Variants in DPP10 observed in about 807,000 individuals in gnomAD.
The protein encoded by DPP10 is dipeptidyl peptidase like 10, also known as inactive dipeptidyl peptidase 10.
DPP10 carries 33 observed loss-of-function variants against 120.9 expected under a neutral mutation model. That is an observed-to-expected ratio of 0.27 (90% CI 0.21 to 0.37). The LOEUF is 0.37. Ranked by LOEUF, DPP10 falls within the 10% of genes least tolerant of loss-of-function variation. DPP10 has a pLI of 1.00. For missense variants in DPP10, 816 were observed against 942.8 expected, an observed-to-expected ratio of 0.87 and a Z score of 1.76; for synonymous variants, 337 against 326.1, an observed-to-expected ratio of 1.03 and a Z score of -0.36.
intron 1 of DPP10, among the ~76,000 whole-genome samples, chr2:114,851,692 G>A (rs1391966971): frequency 6.6e-6 from 1 of 152,040 alleles, no homozygotes; most frequent in Non-Finnish European, 1.5e-5. Context: ...TTTATCTATT[G>A]CTTCAACCAA....
At chr2:115,302,635 TAAAAC>T in intron 1 of DPP10, among the ~76,000 whole-genome samples, 1 of 151,760 alleles carries the variant, frequency 6.6e-6, no homozygotes, top group South Asian at 2.1e-4. Context: ...ACAAAATAAA[TAAAAC>T]AAACAAAAAA....
intron 17 of DPP10, among the ~76,000 whole-genome samples, chr2:115,787,762 G>A (rs767476336): frequency 3.7e-4 from 56 of 152,040 alleles, no homozygotes; most frequent in Non-Finnish European, 6.5e-4. Context: ...CCACACTAGC[G>A]CACATCATTA....
intron 1 of DPP10, among the ~76,000 whole-genome samples, chr2:115,096,365 A>G (rs1039330892): frequency 2.0e-5 from 3 of 152,188 alleles, no homozygotes; most frequent in Non-Finnish European, 4.4e-5. Context: ...CATTAAATAT[A>G]TGCGTTGATA....
chr2:115,469,122 A>G (rs1412176598), intron 3 of DPP10, among the ~76,000 whole-genome samples: 11 of 151,866 alleles, frequency 7.2e-5, no homozygotes, highest in Admixed American at 7.2e-4. Flanking sequence ...AGATGGGGTT[A>G]CACCATGTTG....
At chr2:115,054,330 T>C (rs1705727304) in intron 1 of DPP10, among the ~76,000 whole-genome samples, 1 of 152,188 alleles carries the variant, frequency 6.6e-6, no homozygotes, top group Non-Finnish European at 1.5e-5. Context: ...TAGTTGACAT[T>C]AATGAACTTC....
chr2:115,521,752 A>G (rs553790454), intron 4 of DPP10, among the ~76,000 whole-genome samples: 1 of 152,112 alleles, frequency 6.6e-6, no homozygotes, highest in African/African-American at 2.4e-5. Flanking sequence ...GATGTCATCA[A>G]ATCTAACTAG....
At chr2:115,271,214 A>T (rs2105812042) in intron 1 of DPP10, among the ~76,000 whole-genome samples, 1 of 152,376 alleles carries the variant, frequency 6.6e-6, no homozygotes, top group East Asian at 1.9e-4. Context: ...TGATGTGGAC[A>T]ACATTAAAAT....
chr2:114,784,693 A>G (rs1214903464), intron 1 of DPP10, among the ~76,000 whole-genome samples: 1 of 152,100 alleles, frequency 6.6e-6, no homozygotes. Context: ...CACCTATCAC[A>G]GTTTCCTGGT....
chr2:115,499,274 A>G (rs1256270812), intron 3 of DPP10, among the ~76,000 whole-genome samples: 2 of 152,072 alleles, frequency 1.3e-5, no homozygotes, highest in Non-Finnish European at 2.9e-5. Flanking sequence ...TTGTTAAACC[A>G]TGAACCTGAG....
chr2:114,890,240 G>A (rs1056703339), intron 1 of DPP10, among the ~76,000 whole-genome samples: 10 of 152,168 alleles, frequency 6.6e-5, no homozygotes, highest in South Asian at 2.1e-4. Flanking sequence ...GCAGGAGCAC[G>A]TTTTCTAAAT....
intron 3 of DPP10, chr2:115,469,049 C>CCGGATTCAAG: frequency 2.1e-5 from 4 of 187,162 alleles, no homozygotes; most frequent in Non-Finnish European, 4.4e-5. Context: ...CATCCACCTC[C>CCGGATTCAAG]TGAGTAGCTG....
At chr2:115,224,898 C>G (rs2057358644) in intron 1 of DPP10, among the ~76,000 whole-genome samples, 1 of 152,082 alleles carries the variant, frequency 6.6e-6, no homozygotes, top group African/African-American at 2.4e-5. Context: ...GCTTTTGAGA[C>G]AGGTATGAGT....
At chr2:114,476,152 A>G (rs2104641978) in intron 1 of DPP10, among the ~76,000 whole-genome samples, 1 of 152,346 alleles carries the variant, frequency 6.6e-6, no homozygotes, top group Middle Eastern at 3.4e-3. Flanking sequence ...AAGCCAGGAT[A>G]GTATCAAGTT....
At chr2:115,430,629 C>T (rs1238753053) in intron 3 of DPP10, among the ~76,000 whole-genome samples, 1 of 152,056 alleles carries the variant, frequency 6.6e-6, no homozygotes, top group Non-Finnish European at 1.5e-5. Flanking sequence ...GAAAATATTC[C>T]TCCTTTTACA....
At chr2:114,975,248 G>C (rs1244333735) in intron 1 of DPP10, among the ~76,000 whole-genome samples, 1 of 152,126 alleles carries the variant, frequency 6.6e-6, no homozygotes, top group Non-Finnish European at 1.5e-5. Flanking sequence ...GTTTCATCAT[G>C]TTGGCCAAGG....
At chr2:114,618,334 CAATT>C (rs1407838832) in intron 1 of DPP10, among the ~76,000 whole-genome samples, 9 of 151,990 alleles carry the variant, frequency 5.9e-5, no homozygotes, top group Non-Finnish European at 1.3e-4. Flanking sequence ...TTCAATACAG[CAATT>C]AATTATAAAC....
intron 5 of DPP10, among the ~76,000 whole-genome samples, chr2:115,527,153 C>T (rs531077083): frequency 1.3e-5 from 2 of 152,004 alleles, no homozygotes; most frequent in Non-Finnish European, 2.9e-5. Context: ...GTAATGAAGA[C>T]TGGAACTGGC....
intron 1 of DPP10, among the ~76,000 whole-genome samples, chr2:114,696,960 G>A (rs1184326974): frequency 6.6e-6 from 1 of 152,008 alleles, no homozygotes; most frequent in African/African-American, 2.4e-5. Context: ...AGGATTTGAA[G>A]GATCAAGTGA....
chr2:114,546,535 C>T (rs1687414186), intron 1 of DPP10, among the ~76,000 whole-genome samples: 1 of 152,202 alleles, frequency 6.6e-6, no homozygotes, highest in African/African-American at 2.4e-5. Flanking sequence ...TGCAGCCAAA[C>T]ACCCTCGCTG....
Sources: allele counts gnomAD v4.1 joint callset (sites outside exome capture counted in the v4.1 genomes callset), GRCh38; gene constraint gnomAD v4.1.1; transcripts MANE v1.5; gene names NCBI Gene and HGNC (gene_info 2026-07-23, HGNC 2026-07-21).